CPSF2: variants seen among roughly 807,000 people sequenced by gnomAD.
The protein encoded by CPSF2 is cleavage and polyadenylation specific factor 2.
Under a neutral mutation model 84.2 loss-of-function variants are expected in CPSF2, and 51 were observed. The ratio of observed to expected loss-of-function variants is 0.61; its 90% CI spans 0.48 to 0.77. The LOEUF (loss-of-function observed/expected upper bound fraction) is 0.77. CPSF2 is among the 30% of genes least tolerant of loss of function. The pLI, the probability that CPSF2 is intolerant of heterozygous loss-of-function variation, is 0.00. For synonymous variants in CPSF2, 286 were observed against 311.9 expected (o/e 0.92, Z 0.87); for missense variants, 641 against 929.4 (o/e 0.69, Z 4.03).
At chr14:92,151,384 CCT>C (rs1194676456) in intron 9 of CPSF2, among the ~76,000 whole-genome samples, 1 of 151,214 alleles carries the variant, frequency 6.6e-6, no homozygotes, top group East Asian at 1.9e-4. Flanking sequence ...AGAGTGAGAC[CCT>C]GTCTCAAAAA....
rs78212085 is a variant in CPSF2 at position 92,129,660 on chromosome 14, C to T, written c.-34-1291C>T. Among the ~76,000 whole-genome samples the T allele has an allele frequency of 2.8e-3, 429 of 152,248 alleles. 9 individuals carry two copies. The East Asian group carries it at 0.058, about 21-fold the overall frequency. ...TTGCTAATGAATATTTTCATAACTTCTGCTTAATAGCACACAGTTCCAGGT... is the reference window on the plus strand; with the variant it reads ...TTGCTAATGAATATTTTCATAACTTTTGCTTAATAGCACACAGTTCCAGGT... On this transcript the variant is annotated intron_variant, in intron 2 of 15. Transcript: ENST00000298875.
At chr14:92,159,521 T>C (rs1314628896) in intron 14 of CPSF2, among the ~76,000 whole-genome samples, 1 of 152,112 alleles carries the variant, frequency 6.6e-6, no homozygotes, top group African/African-American at 2.4e-5. Flanking sequence ...AGCCTGATTA[T>C]AGGGACACCC....
chr14:92,150,437 G>GTT (rs1034671099), intron 9 of CPSF2, among the ~76,000 whole-genome samples: 1 of 142,998 alleles, frequency 7.0e-6, no homozygotes, highest in African/African-American at 2.6e-5. Flanking sequence ...TTGTGTGTGT[G>GTT]TTTTTTTTTT....
At chr14:92,146,854 C>T (rs61976583) in intron 9 of CPSF2, among the ~76,000 whole-genome samples, 25,725 of 152,112 alleles carry the variant, frequency 0.17, 2,299 homozygotes, top group East Asian at 0.29. Flanking sequence ...CTATGCCCTA[C>T]GGTGCATCAG....
chr14:92,132,191 A>G (rs1277689526), intron 3 of CPSF2, among the ~76,000 whole-genome samples: 1 of 151,808 alleles, frequency 6.6e-6, no homozygotes, highest in Non-Finnish European at 1.5e-5. Context: ...CTGGAGTGCA[A>G]TGGCGTGCTT....
chr14:92,129,936 C>T (rs11844661), intron 2 of CPSF2, among the ~76,000 whole-genome samples: 87 of 152,010 alleles, frequency 5.7e-4, no homozygotes, highest in African/African-American at 2.0e-3. Flanking sequence ...TTTGTAGAGA[C>T]AGGGTCTCAC....
chr14:92,164,182 G>A lies in CPSF2; in HGVS notation c.*2438G>A, dbSNP rs866071206. 1 of 152,226 alleles carries A rather than the reference G, an allele frequency of 6.6e-6. No homozygotes were observed. The highest frequency in any genetic ancestry group is 2.4e-5 in the African/African-American group (1 of 41,428). The allele number at this position is 152,226 out of a possible 1,614,324, so 9.4% of individuals were successfully genotyped here. ...CTGTGGGACTGTGAGTCAATTAAAC[G>A]TGTTTACTTTATAAATTACCCAGTC... is the stretch of plus-strand genomic sequence containing the variant. On this transcript the variant is annotated 3_prime_UTR_variant, in exon 16 of 16. Coordinates refer to ENST00000298875, the MANE Select transcript of CPSF2 (RefSeq NM_017437.3).
intron 2 of CPSF2, among the ~76,000 whole-genome samples, chr14:92,129,960 C>T (rs1206113499): frequency 6.6e-6 from 1 of 152,024 alleles, no homozygotes; most frequent in African/African-American, 2.4e-5. Flanking sequence ...ATTGCCTAGG[C>T]TGGTCTCAAA....
chr14:92,145,998 TTC>T (rs2069138052), intron 9 of CPSF2, among the ~76,000 whole-genome samples: 1 of 152,206 alleles, frequency 6.6e-6, no homozygotes, highest in Non-Finnish European at 1.5e-5. Flanking sequence ...CCCAATACTG[TTC>T]TGTCTTATCT....
Position 92,164,872 on chromosome 14 carries a change from A to G in CPSF2, c.*3128A>G, listed in dbSNP as rs2069423154. The G allele has an allele frequency of 6.6e-6, 1 of 152,136 alleles. No individual in the cohort carries two copies. The highest frequency in any genetic ancestry group is 2.4e-5 in the African/African-American group (1 of 41,434). 9.4% of individuals were successfully genotyped at this position (152,136 alleles called of 1,614,324 possible). ...GTTGTACAACTATTACCACTATATA[A>G]TCCCAGAACACTTTCATCACTCCAA... On this transcript the variant is annotated 3_prime_UTR_variant, in exon 16 of 16. Coordinates refer to ENST00000298875, the MANE Select transcript of CPSF2 (RefSeq NM_017437.3).
chr14:92,158,234 G>A (rs1433642992), intron 13 of CPSF2, among the ~76,000 whole-genome samples: 1 of 152,084 alleles, frequency 6.6e-6, no homozygotes, highest in East Asian at 1.9e-4. Context: ...TCTAGGCAGA[G>A]GGAACCATAT....
At chr14:92,158,112 A>C (rs1014516384) in intron 13 of CPSF2, among the ~76,000 whole-genome samples, 1 of 152,130 alleles carries the variant, frequency 6.6e-6, no homozygotes, top group Non-Finnish European at 1.5e-5. Flanking sequence ...AGGGGAAACC[A>C]CCCACATTTA....
chr14:92,154,333 C>T, intron 9 of CPSF2, 25 bp from the exon 10 acceptor site: 2 of 1,542,318 alleles, frequency 1.3e-6, no homozygotes, highest in Middle Eastern at 1.8e-4. Flanking sequence ...ATTAACATTT[C>T]CTTTTGTCTT....
rs1218345720 is a variant in CPSF2 at position 92,168,609 on chromosome 14, T to A, written c.*6865T>A. 3 of 151,904 alleles carry A rather than the reference T, an allele frequency of 2.0e-5. No individual in the cohort carries two copies. The East Asian group carries it at 5.8e-4, about 29-fold the overall frequency. 9.4% of individuals were successfully genotyped at this position (151,904 alleles called of 1,614,324 possible). A position where few individuals can be genotyped will look rare whatever the true frequency, so the allele number is the denominator to read the frequency against. The stretch of plus-strand genomic sequence containing the variant: ...AAATAGAAGTTTGGAGAGTTTGAAA[T>A]CTCTCCTCGTGGCTGGACGCCGTGG... On this transcript the variant is annotated 3_prime_UTR_variant, in exon 16 of 16. Transcript: ENST00000298875.
intron 3 of CPSF2, among the ~76,000 whole-genome samples, chr14:92,132,479 T>G (rs1057331633): frequency 6.6e-6 from 1 of 151,662 alleles, no homozygotes; most frequent in Admixed American, 6.6e-5. Context: ...GAACTTAAAT[T>G]AATAGTTTGC....
In CPSF2 at chr14:92,161,958, AACAGGTGT is replaced by A. The variant is rs1440595868; in HGVS notation, c.*220_*227del. The A allele has an allele frequency of 6.0e-5, 25 of 415,452 alleles. No homozygotes were observed. Among genetic ancestry groups the A allele is most frequent in the Non-Finnish European group, 1.0e-4 (24 of 237,144 alleles). 25.7% of individuals were successfully genotyped at this position (415,452 alleles called of 1,614,324 possible). A position where few individuals can be genotyped will look rare whatever the true frequency, so the allele number is the denominator to read the frequency against. On this transcript the variant is annotated 3_prime_UTR_variant, in exon 16 of 16. Transcript: ENST00000298875. ...TGGCTTTCAGAGTGATAGAGCTCCT[AACAGGTGT>A]ACAGGCCCAAGAGTTGAAGGTGATT...
chr14:92,128,309 G>A (rs542648071), intron 2 of CPSF2, among the ~76,000 whole-genome samples: 4 of 152,096 alleles, frequency 2.6e-5, no homozygotes, highest in African/African-American at 9.6e-5. Context: ...CCAACATGGT[G>A]AAACTCCGTC....
intron 6 of CPSF2, 57 bp downstream of exon 6, chr14:92,135,553 G>A: frequency 3.4e-6 from 5 of 1,483,072 alleles, no homozygotes; most frequent in South Asian, 2.7e-5. Context: ...TTTATTCTTT[G>A]GAGAAAAAAT....
Position 92,162,499 on chromosome 14 carries a change from T to C in CPSF2, c.*755T>C, listed in dbSNP as rs2069388332. On this transcript the variant is annotated 3_prime_UTR_variant, in exon 16 of 16. Coordinates refer to ENST00000298875, the MANE Select transcript of CPSF2 (RefSeq NM_017437.3). ...ATACATTTTAGAAACATCTTAGCCG[T>C]AAGTTAGGTCCTGTGTTAAACTGTT... is the stretch of plus-strand genomic sequence containing the variant. 1 of 152,358 alleles carries C rather than the reference T, an allele frequency of 6.6e-6. No individual in the cohort carries two copies. Among genetic ancestry groups the C allele is most frequent in the Non-Finnish European group, 1.5e-5 (1 of 68,026 alleles). The allele number at this position is 152,358 out of a possible 1,614,324, so 9.4% of individuals were successfully genotyped here. A position where few individuals can be genotyped will look rare whatever the true frequency, so the allele number is the denominator to read the frequency against.
Sources: gnomAD v4.1 joint callset for allele counts (sites outside exome capture counted in the v4.1 genomes callset) on GRCh38, gnomAD v4.1.1 for gene constraint, MANE v1.5 for transcripts, NCBI Gene and HGNC (gene_info 2026-07-23, HGNC 2026-07-21) for gene names.